The following RAB43 variants were observed in gnomAD, a reference collection of about 807,000 sequenced individuals.
The protein encoded by RAB43 is RAB43, member RAS oncogene family.
RAB43 carries 6 observed loss-of-function variants against 18.8 expected under a neutral mutation model. The observed-to-expected ratio is 0.32, with a 90% CI of 0.17 to 0.63. RAB43 has a LOEUF of 0.63. Among genes scored for constraint, RAB43 ranks in the 30% least tolerant of loss-of-function variants. The probability of loss-of-function intolerance (pLI) is 0.79; values close to 1 mark genes in which losing one functional copy is unlikely to be tolerated. For missense variants in RAB43, 195 were observed against 289.1 expected, an observed-to-expected ratio of 0.67 and a Z score of 2.36; for synonymous variants, 103 against 124.1, an observed-to-expected ratio of 0.83 and a Z score of 1.13.
At chr3:129,098,416 A>G (rs186770458) in intron 1 of RAB43, among the ~76,000 whole-genome samples, 2 of 152,350 alleles carry the variant, frequency 1.3e-5, no homozygotes, top group Non-Finnish European at 2.9e-5. Context: ...TGAATTGACT[A>G]CTAGGACAAG....
chr3:129,098,724 AT>A (rs1934215182), intron 1 of RAB43, among the ~76,000 whole-genome samples: 1 of 152,236 alleles, frequency 6.6e-6, no homozygotes, highest in South Asian at 2.1e-4. Flanking sequence ...ATTTAAGGAA[AT>A]AAATGAAAAA....
chr3:129,117,022 G>A (rs566966476), intron 1 of RAB43, among the ~76,000 whole-genome samples: 5 of 151,948 alleles, frequency 3.3e-5, no homozygotes, highest in Non-Finnish European at 5.9e-5. Flanking sequence ...AGTAACTGCA[G>A]CAATAAAAAA....
chr3:129,098,474 G>A (rs549070096), intron 1 of RAB43, among the ~76,000 whole-genome samples: 3 of 152,312 alleles, frequency 2.0e-5, no homozygotes, highest in African/African-American at 7.2e-5. Flanking sequence ...GTCTCGTTAA[G>A]TTATCAACCA....
At chr3:129,119,336 G>A (rs186303293) in intron 1 of RAB43, among the ~76,000 whole-genome samples, 5 of 152,202 alleles carry the variant, frequency 3.3e-5, no homozygotes, top group East Asian at 1.9e-4. Flanking sequence ...TTTTCCTGCC[G>A]GCAAAATGAG....
intron 1 of RAB43, among the ~76,000 whole-genome samples, chr3:129,120,358 G>A (rs1208423307): frequency 6.6e-6 from 1 of 152,332 alleles, no homozygotes; most frequent in Middle Eastern, 3.4e-3. Context: ...CTCCCTGGCA[G>A]AGATCGTCCC....
rs537720360 is a variant in RAB43 at position 129,106,233 on chromosome 3, G to A, written c.205-11064C>T. ...TTGACAAGACTTTCTCCTGAGTAAC[G>A]AAGCAGGCAGTGGAAAGTTCCTTGC... On this transcript the variant is annotated intron_variant, in intron 1 of 2. Coordinates refer to ENST00000315150, the MANE Select transcript of RAB43 (RefSeq NM_198490.3). 1.1e-3 allele frequency among the ~76,000 whole-genome samples: 171 copies of A among 152,346 alleles called. 2 individuals carry two copies. The highest frequency in any genetic ancestry group is 3.3e-3 in the Admixed American group (50 of 15,294).
At chr3:129,096,615 C>T (rs866798829) in intron 1 of RAB43, among the ~76,000 whole-genome samples, 1 of 152,036 alleles carries the variant, frequency 6.6e-6, no homozygotes, top group Non-Finnish European at 1.5e-5. Flanking sequence ...CTCAAACAAT[C>T]GTCAATGTTT....
At chr3:129,105,729 G>A (rs1430182155) in intron 1 of RAB43, among the ~76,000 whole-genome samples, 70 of 149,896 alleles carry the variant, frequency 4.7e-4, no homozygotes, top group Admixed American at 1.5e-3. Flanking sequence ...GCAGTGAGCC[G>A]AGACCATGCC....
chr3:129,117,528 C>G (rs946502827), intron 1 of RAB43, among the ~76,000 whole-genome samples: 1 of 152,220 alleles, frequency 6.6e-6, no homozygotes, highest in Non-Finnish European at 1.5e-5. Context: ...ATATACAAAG[C>G]CTTACTGACT....
At chr3:129,092,622 G>A (rs1219729739) in intron 2 of RAB43, 8 of 580,512 alleles carry the variant, frequency 1.4e-5, no homozygotes, top group African/African-American at 1.9e-5. Context: ...ATATAAGTAT[G>A]CATAAATAAA....
chr3:129,121,293 C>G lies in RAB43; in HGVS notation c.197G>C (p.Arg66Pro). The change falls in exon 1 of 3, where the codon CGG becomes CCG. Residue 66 changes from arginine to proline, a missense_variant. Physicochemically the swap from Arg to Pro is moderately radical, Grantham distance 103 (BLOSUM62 -2). Transcript: ENST00000315150. The part of the protein sequence containing the change: ...TMKTLEIQGK[R>P]VKLQIWDTAG... ...CCCTGGCCGGCCTCCCACCTTGACCCGCTTGCCCTGGATCTCCAGCGTCTT... is the reference window on the plus strand; with the variant it reads ...CCCTGGCCGGCCTCCCACCTTGACCGGCTTGCCCTGGATCTCCAGCGTCTT... 6.2e-7 allele frequency: 1 copy of G among 1,605,086 alleles called. No individual in the cohort carries two copies. The highest frequency in any genetic ancestry group is 8.5e-7 in the Non-Finnish European group (1 of 1,176,304).
chr3:129,092,471 A>G (rs898921634), intron 2 of RAB43: 5 of 696,674 alleles, frequency 7.2e-6, no homozygotes, highest in Non-Finnish European at 1.3e-5. Context: ...TCATTATTAT[A>G]CTATTCTAAG....
chr3:129,092,955 CAA>C (rs745819526), intron 2 of RAB43, among the ~76,000 whole-genome samples: 8 of 116,670 alleles, frequency 6.9e-5, no homozygotes, highest in East Asian at 2.6e-4. Context: ...GACTCTGTCT[CAA>C]AAAAAAAAAA....
rs1935868539 is a variant in RAB43, at chr3:129,120,956, G to A, written c.204+330C>T. 3.3e-5 allele frequency among the ~76,000 whole-genome samples: 5 copies of A among 152,116 alleles called. 1 individual carries two copies. The South Asian group carries it at 1.0e-3, about 32-fold the overall frequency. On this transcript the variant is annotated intron_variant, in intron 1 of 2. Coordinates refer to ENST00000315150, the MANE Select transcript of RAB43 (RefSeq NM_198490.3). Reference sequence around the variant, plus strand: ...ACTCCAAGGCGCTCCGCTAGTACCTGGAACAGGGGAGTCTAACCCCCTGCC... The same window carrying A: ...ACTCCAAGGCGCTCCGCTAGTACCTAGAACAGGGGAGTCTAACCCCCTGCC...
At chr3:129,102,630 C>CAAAAA (rs745477635) in intron 1 of RAB43, among the ~76,000 whole-genome samples, 20 of 68,220 alleles carry the variant, frequency 2.9e-4, no homozygotes, top group East Asian at 2.9e-3. Context: ...GACTCCATCT[C>CAAAAA]AAAAAAAAAA....
At chr3:129,096,487 G>A (rs563136925) in intron 1 of RAB43, among the ~76,000 whole-genome samples, 16 of 152,350 alleles carry the variant, frequency 1.1e-4, no homozygotes, top group Admixed American at 4.6e-4. Flanking sequence ...TACCACACAA[G>A]CCTGGGATCC....
rs186682904 is a variant in RAB43, at chr3:129,108,256, C to G, written c.204+13030G>C. On this transcript the variant is annotated intron_variant, in intron 1 of 2. Coordinates refer to ENST00000315150, the MANE Select transcript of RAB43 (RefSeq NM_198490.3). ...AGCTCCACAGAACTCAGCACACCTC[C>G]CTAGGACAGCCACGGCAGCCACATG... Among the ~76,000 whole-genome samples the G allele has an allele frequency of 2.1e-3, 326 of 152,324 alleles. 2 individuals are homozygous for G. The highest frequency in any genetic ancestry group is 7.5e-3 in the African/African-American group (311 of 41,576).
intron 1 of RAB43, among the ~76,000 whole-genome samples, chr3:129,115,500 G>A (rs75746174): frequency 0.013 from 1,950 of 150,100 alleles, 30 homozygotes; most frequent in African/African-American, 0.045. Context: ...GCGAAACCCC[G>A]TCTCAAAAAA....
chr3:129,095,144 T>C lies in RAB43; in HGVS notation c.230A>G (p.Gln77Arg). Residue 77 changes from glutamine (Q) to arginine (R), a missense_variant, in exon 2 of 3, where the codon CAG becomes CGG. Physicochemically the swap from Gln to Arg is conservative, Grantham distance 43 (BLOSUM62 1). Coordinates refer to ENST00000315150, the MANE Select transcript of RAB43 (RefSeq NM_198490.3). The surrounding 1 kb of genome is among the most constrained non-coding windows in gnomAD (Gnocchi z 4.2). ...CTGGGTGATGGTGCGGAACCGCTCC[T>C]GGCCGGCCGTGTCCCAGATCTGCAG... The part of the protein sequence containing the change: ...VKLQIWDTAG[Q>R]ERFRTITQSY... 6.2e-7 allele frequency: 1 copy of C among 1,613,260 alleles called. No homozygotes were observed. Among genetic ancestry groups the C allele is most frequent in the South Asian group, 1.1e-5 (1 of 91,002 alleles).
Sources: gnomAD v4.1 joint callset for allele counts (sites outside exome capture counted in the v4.1 genomes callset) on GRCh38, gnomAD v4.1.1 for gene constraint, Gnocchi (gnomAD v3.1) non-coding constraint, MANE v1.5 for transcripts, NCBI Gene and HGNC (gene_info 2026-07-23, HGNC 2026-07-21) for gene names.